Variants in ADGRG4 observed in about 807,000 individuals in gnomAD.
ADGRG4 encodes the protein adhesion G protein-coupled receptor G4.
A neutral mutation model predicts 126.2 loss-of-function variants in ADGRG4; 122 were observed. The ratio of observed to expected loss-of-function variants is 0.97; its 90% CI spans 0.83 to 1.12. The LOEUF (loss-of-function observed/expected upper bound fraction) is 1.12, where lower values mean the gene tolerates loss of function less well. ADGRG4 is among the 50% of genes most tolerant of loss of function. ADGRG4 has a pLI of 0.00. For synonymous variants in ADGRG4, 943 were observed against 838.7 expected, an observed-to-expected ratio of 1.12 and a Z score of -2.15; for missense variants, 2,481 against 2,251.8, an observed-to-expected ratio of 1.10 and a Z score of -2.06.
chrX:136,323,009 T>G lies in ADGRG4; in HGVS notation c.302T>G (p.Leu101Arg). Reference protein sequence around the residue: ...GLAGDHQQLILYRLGKTFSIR... With the variant: ...GLAGDHQQLIRYRLGKTFSIR... The stretch of plus-strand genomic sequence containing the variant: ...GCAGGAGACCATCAGCAGCTAATAC[T>G]ATACAGATTGGGAAAGACCTTTTCT... Residue 101 changes from leucine to arginine, a missense_variant, in exon 5 of 26, where the codon CTA becomes CGA. Transcript: ENST00000394143. The G allele has an allele frequency of 8.3e-7, 1 of 1,211,806 alleles. No individual in the cohort carries two copies. The highest frequency in any genetic ancestry group is 1.1e-6 in the Non-Finnish European group (1 of 895,456).
chrX:136,415,667 G>A (rs969635845), intron 25 of ADGRG4, among the ~76,000 whole-genome samples: 1 of 111,707 alleles, frequency 9.0e-6, no homozygotes, highest in Non-Finnish European at 1.9e-5. Context: ...CCATGACATA[G>A]ACAAGGCATG....
intron 9 of ADGRG4, among the ~76,000 whole-genome samples, chrX:136,356,834 C>T (rs184465686): frequency 9.0e-6 from 1 of 111,312 alleles, no homozygotes; most frequent in Non-Finnish European, 1.9e-5. Flanking sequence ...CCCATCTCTA[C>T]AAAAAATAAT....
chrX:136,349,168 C>T lies in ADGRG4; in HGVS notation c.5462C>T (p.Pro1821Leu), dbSNP rs377575286. ...ATSLNTPVSY[P>L]PWTPSSATLP... is the part of the protein sequence containing the mutation. ...TCTTTGAATACCCCTGTTTCATACC[C>T]TCCATGGACCCCATCCAGTGCAACT... is the stretch of plus-strand genomic sequence containing the variant. Residue 1821 changes from proline (P) to leucine (L), a missense_variant, in exon 6 of 26, where the codon CCT becomes CTT. Pro to Leu is a moderately conservative substitution (Grantham distance 98). Coordinates refer to ENST00000394143, the MANE Select transcript of ADGRG4 (RefSeq NM_153834.4). The T allele has an allele frequency of 4.2e-6, 5 of 1,199,002 alleles. No homozygotes were observed. The African/African-American group carries it at 8.8e-5, about 21-fold the overall frequency.
At chrX:136,389,658 G>A (rs763612007) in intron 16 of ADGRG4, among the ~76,000 whole-genome samples, 4 of 112,122 alleles carry the variant, frequency 3.6e-5, no homozygotes, top group Admixed American at 9.4e-5. Flanking sequence ...AGAGGGGAAG[G>A]AATCTGCTGA....
At chrX:136,406,551 C>T (rs2148500498) in intron 23 of ADGRG4, among the ~76,000 whole-genome samples, 1 of 112,121 alleles carries the variant, frequency 8.9e-6, no homozygotes, top group Non-Finnish European at 1.9e-5. Context: ...AATTATTTTC[C>T]TTTATTCCGA....
Position 136,351,548 on chromosome X carries a change from TA to T in ADGRG4, c.6822+9del. On this transcript the variant is annotated splice_region_variant and intron_variant, in intron 7 of 25. Transcript: ENST00000394143. ...TGAATTTACGGAAAATTCGGTAAAATAATCTTTTGCATATTTATGGCATATA... is the reference window on the plus strand; with the variant it reads ...TGAATTTACGGAAAATTCGGTAAAATATCTTTTGCATATTTATGGCATATA... The T allele has an allele frequency of 1.1e-6, 1 of 949,779 alleles. No individual in the cohort carries two copies. The highest frequency in any genetic ancestry group is 1.5e-6 in the Non-Finnish European group (1 of 680,747). The allele number at this position is 949,779 out of a possible 1,213,427, so 78.3% of individuals were successfully genotyped here.
Position 136,306,971 on chromosome X carries a change from C to G in ADGRG4, c.-9-1798C>G, listed in dbSNP as rs191832263. Among the ~76,000 whole-genome samples, 21 of 111,760 alleles carry G rather than the reference C, an allele frequency of 1.9e-4. No homozygotes were observed. In the East Asian group the frequency reaches 4.2e-3, roughly 22 times the overall value. ...TCAAGTGACCCAGCTGCCTCAGCCTCTGAAAGTGCTGTGATTACAGGCATG... is the reference window on the plus strand; with the variant it reads ...TCAAGTGACCCAGCTGCCTCAGCCTGTGAAAGTGCTGTGATTACAGGCATG... On this transcript the variant is annotated intron_variant, in intron 3 of 25. Transcript: ENST00000394143.
In ADGRG4 at chrX:136,395,449, A is replaced by G; in HGVS notation, c.8140A>G (p.Thr2714Ala). Residue 2714 changes from threonine (T) to alanine (A), a missense_variant, in exon 19 of 26, where the codon ACA becomes GCA. Physicochemically the swap from Thr to Ala is moderately conservative, Grantham distance 58. Coordinates refer to ENST00000394143, the MANE Select transcript of ADGRG4 (RefSeq NM_153834.4). ...AGTAAAGGAAACAAATGTAAATTAC[A>G]CAATCTGTCAGTGTGACCACCTCAC... is the stretch of plus-strand genomic sequence containing the variant. Reference protein sequence around the residue: ...CKVKETNVNYTICQCDHLTHF... With the variant: ...CKVKETNVNYAICQCDHLTHF... 8.3e-7 allele frequency: 1 copy of G among 1,200,538 alleles called. No homozygotes were observed. Among genetic ancestry groups the G allele is most frequent in the Non-Finnish European group, 1.1e-6 (1 of 885,865 alleles).
intron 1 of ADGRG4, among the ~76,000 whole-genome samples, chrX:136,303,166 A>C: frequency 8.9e-6 from 1 of 112,210 alleles, no homozygotes; most frequent in Non-Finnish European, 1.9e-5. Context: ...CAAAAAATAC[A>C]AAAATTAGCA....
chrX:136,410,614 C>T (rs535150122), intron 23 of ADGRG4, among the ~76,000 whole-genome samples: 43 of 111,876 alleles, frequency 3.8e-4, no homozygotes, highest in South Asian at 7.5e-4. Context: ...GCACTTGGAT[C>T]AAAATAAATA....
intron 5 of ADGRG4, among the ~76,000 whole-genome samples, chrX:136,330,267 C>A (rs781272778): frequency 9.0e-6 from 1 of 111,236 alleles, no homozygotes; most frequent in Non-Finnish European, 1.9e-5. Flanking sequence ...ACCCTTTCCC[C>A]CTACGCTGCT....
intron 4 of ADGRG4, among the ~76,000 whole-genome samples, chrX:136,316,170 C>T (rs1339743217): frequency 1.8e-5 from 2 of 111,606 alleles, no homozygotes; most frequent in African/African-American, 6.5e-5. Context: ...GAGACAGTGA[C>T]CAGATCATGC....
intron 1 of ADGRG4, among the ~76,000 whole-genome samples, chrX:136,302,942 A>G (rs2074711071): frequency 1.8e-5 from 2 of 111,374 alleles, no homozygotes; most frequent in South Asian, 7.7e-4. Context: ...ACATTAGGAA[A>G]ACCATGTAGT....
chrX:136,317,499 C>CAAAAAAAAAAAAAAAA (rs35736381), intron 4 of ADGRG4, among the ~76,000 whole-genome samples: 1 of 40,650 alleles, frequency 2.5e-5, no homozygotes, highest in Non-Finnish European at 4.3e-5. Context: ...GACTCCATCT[C>CAAAAAAAAAAAAAAAA]AAAAAAAAAA....
Position 136,372,976 on chromosome X carries a change from G to A in ADGRG4, c.7688G>A (p.Gly2563Glu). 8.3e-7 allele frequency: 1 copy of A among 1,210,620 alleles called. No homozygotes were observed. Among genetic ancestry groups the A allele is most frequent in the Non-Finnish European group, 1.1e-6 (1 of 894,793 alleles). Residue 2563 changes from glycine (G) to glutamate (E), a missense_variant, in exon 15 of 26, where the codon GGG (glycine) becomes GAG (glutamate). Physicochemically the swap from Gly to Glu is moderately conservative, Grantham distance 98. Transcript: ENST00000394143. The stretch of plus-strand genomic sequence containing the variant: ...CAGATAGCAAATCTGACGGTGGCCG[G>A]GCTGGCTTTGGCTGTGCTGCGGGGG... ...SGQIANLTVA[G>E]LALAVLRGDH...
intron 15 of ADGRG4, among the ~76,000 whole-genome samples, chrX:136,376,655 A>G (rs1431378973): frequency 9.4e-6 from 1 of 106,315 alleles, no homozygotes; most frequent in African/African-American, 3.4e-5. Context: ...ATTGTATTGT[A>G]TTGTATTGTA....
chrX:136,344,530 C>T lies in ADGRG4; in HGVS notation c.824C>T (p.Pro275Leu). 1 of 1,206,570 alleles carries T rather than the reference C, an allele frequency of 8.3e-7. No individual in the cohort carries two copies. Among genetic ancestry groups the T allele is most frequent in the Non-Finnish European group, 1.1e-6 (1 of 891,035 alleles). ...TCTACACTATTGTCTCAAAGCATACCTATATTTGCAACTGATTACACAACC... is the reference window on the plus strand; with the variant it reads ...TCTACACTATTGTCTCAAAGCATACTTATATTTGCAACTGATTACACAACC... ...HSSTLLSQSI[P>L]IFATDYTTIS... Residue 275 changes from proline to leucine, a missense_variant, in exon 6 of 26, where the codon CCT (proline) becomes CTT (leucine). Pro to Leu is a moderately conservative substitution (Grantham distance 98). Transcript: ENST00000394143.
At chrX:136,361,428 T>TA (rs1420499555) in intron 11 of ADGRG4, 27 bp from the exon 12 acceptor site, 2 of 1,071,301 alleles carry the variant, frequency 1.9e-6, no homozygotes, top group African/African-American at 3.7e-5. Context: ...TCTTGTCCTT[T>TA]AAAATGTGCA....
chrX:136,301,245 C>A (rs1363540645), intron 1 of ADGRG4, among the ~76,000 whole-genome samples: 1 of 111,901 alleles, frequency 8.9e-6, no homozygotes, highest in Non-Finnish European at 1.9e-5. Flanking sequence ...CTCTCCAGCA[C>A]CTGTTGTTTC....
Sources: gnomAD v4.1 joint callset for allele counts (sites outside exome capture counted in the v4.1 genomes callset) on GRCh38, gnomAD v4.1.1 for gene constraint, MANE v1.5 for transcripts, NCBI Gene and HGNC (gene_info 2026-07-23, HGNC 2026-07-21) for gene names.